NRXN2: variants seen among roughly 807,000 people sequenced by gnomAD.
The protein encoded by NRXN2 is neurexin 2, also known as neurexin-2-beta.
A neutral mutation model predicts 128.8 loss-of-function variants in NRXN2; 29 were observed. That is an observed-to-expected ratio of 0.23 (90% CI 0.17 to 0.31). The LOEUF (loss-of-function observed/expected upper bound fraction) is 0.31, where lower values mean the gene tolerates loss of function less well. NRXN2 is among the 10% of genes least tolerant of loss of function. The pLI, the probability that NRXN2 is intolerant of heterozygous loss-of-function variation, is 1.00. For missense variants in NRXN2, 1,881 were observed against 2,452.6 expected (o/e 0.77, Z 4.92); for synonymous variants, 1,098 against 1,075.2 (o/e 1.02, Z -0.41).
At chr11:64,685,168 C>T (rs1458402236) in intron 6 of NRXN2, among the ~76,000 whole-genome samples, 1 of 152,148 alleles carries the variant, frequency 6.6e-6, no homozygotes, top group African/African-American at 2.4e-5. Flanking sequence ...CTCAGGCTTG[C>T]CTTCGTGCCT....
At chr11:64,701,874 C>T (rs1282631851) in intron 2 of NRXN2, among the ~76,000 whole-genome samples, 3 of 144,268 alleles carry the variant, frequency 2.1e-5, no homozygotes, top group African/African-American at 7.9e-5. Context: ...CCCCTCTGCC[C>T]GGCCAGCCGC....
At position 64,650,674 on chromosome 11, in the gene NRXN2, C is replaced by T. The variant is rs372507665; in HGVS notation, c.2919-36G>A. On this transcript the variant is annotated intron_variant, in intron 14 of 22. Transcript: ENST00000265459. The stretch of plus-strand genomic sequence containing the variant: ...GTAGGGAGGAGACACTGGGTCAGGG[C>T]GGGGGTGATGCTGGGAAGGTGGGGT... 2.0e-4 allele frequency: 323 copies of T among 1,599,288 alleles called. No individual in the cohort carries two copies. In the Middle Eastern group the frequency reaches 2.8e-3, roughly 14 times the overall value.
Position 64,648,941 on chromosome 11 carries a change from G to A in NRXN2, c.3110-34C>T. 6.2e-7 allele frequency: 1 copy of A among 1,611,592 alleles called. No individual in the cohort carries two copies. The highest frequency in any genetic ancestry group is 2.2e-5 in the East Asian group (1 of 44,868). ...GGAGTGGGTCAACCAAGGCATCCAG[G>A]TCCCCATTCCCATCCCAAGACAATG... On this transcript the variant is annotated intron_variant, in intron 15 of 22. Transcript: ENST00000265459. This position sits in a 1 kb window ranked among gnomAD's most constrained non-coding sequence, Gnocchi z 4.1.
chr11:64,705,141 G>A (rs894502596), intron 2 of NRXN2, among the ~76,000 whole-genome samples: 5 of 152,128 alleles, frequency 3.3e-5, no homozygotes, highest in Non-Finnish European at 7.4e-5. Context: ...GTGGCCCAAG[G>A]AATTTAGGGT....
At chr11:64,611,916 T>G (rs1296947906) in intron 22 of NRXN2, among the ~76,000 whole-genome samples, 1 of 131,022 alleles carries the variant, frequency 7.6e-6, no homozygotes, top group Non-Finnish European at 1.6e-5. Flanking sequence ...CACACTGCCA[T>G]GACTCCCCCT....
intron 5 of NRXN2, among the ~76,000 whole-genome samples, chr11:64,687,247 C>T (rs924556251): frequency 2.0e-5 from 3 of 152,228 alleles, no homozygotes; most frequent in Non-Finnish European, 4.4e-5. Flanking sequence ...CCAGGAAGCA[C>T]TTGCCTTCCC....
chr11:64,668,215 T>C (rs2050152739), intron 8 of NRXN2, among the ~76,000 whole-genome samples: 2 of 152,122 alleles, frequency 1.3e-5, no homozygotes, highest in African/African-American at 4.8e-5. Context: ...ACAGCTGCCT[T>C]TGAGGGTCCT....
intron 7 of NRXN2, among the ~76,000 whole-genome samples, chr11:64,674,889 A>G (rs1430617098): frequency 1.3e-5 from 2 of 152,252 alleles, no homozygotes; most frequent in African/African-American, 4.8e-5. Flanking sequence ...GTAGTAGGCA[A>G]TGCAGGTATA....
chr11:64,663,529 A>T (rs2049353056), intron 9 of NRXN2, among the ~76,000 whole-genome samples: 1 of 152,164 alleles, frequency 6.6e-6, no homozygotes, highest in Non-Finnish European at 1.5e-5. Flanking sequence ...CTAACAGGCC[A>T]CCAAACATGG....
chr11:64,638,428 A>T (rs1017568816), intron 17 of NRXN2, among the ~76,000 whole-genome samples: 2 of 152,102 alleles, frequency 1.3e-5, no homozygotes, highest in African/African-American at 4.8e-5. Flanking sequence ...GGGGTTCGGG[A>T]GACCGCGGGG....
Position 64,651,125 on chromosome 11 carries a change from C to T in NRXN2, c.2918+130G>A, listed in dbSNP as rs1466301782. 3.9e-6 allele frequency: 5 copies of T among 1,282,376 alleles called. No individual in the cohort carries two copies. The highest frequency in any genetic ancestry group is 2.3e-5 in the East Asian group (1 of 43,150). The allele number at this position is 1,282,376 out of a possible 1,614,324, so 79.4% of individuals were successfully genotyped here. A position where few individuals can be genotyped will look rare whatever the true frequency, so the allele number is the denominator to read the frequency against. ...AAGAGGGAGCCTCTCGACTTACGGTCGGGGACCTGAATCTTGACTTGTGAT... is the reference window on the plus strand; with the variant it reads ...AAGAGGGAGCCTCTCGACTTACGGTTGGGGACCTGAATCTTGACTTGTGAT... On this transcript the variant is annotated intron_variant, in intron 14 of 22. Transcript: ENST00000265459. The surrounding 1 kb of genome is among the most constrained non-coding windows in gnomAD (Gnocchi z 5.9).
At chr11:64,702,991 AAAAG>A (rs1284159866) in intron 2 of NRXN2, among the ~76,000 whole-genome samples, 16 of 149,996 alleles carry the variant, frequency 1.1e-4, no homozygotes, top group South Asian at 4.2e-4. Flanking sequence ...AAAAAAAAAA[AAAAG>A]AAAGAAAGAA....
chr11:64,712,354 C>A (rs1405308415), intron 2 of NRXN2, among the ~76,000 whole-genome samples: 1 of 151,818 alleles, frequency 6.6e-6, no homozygotes, highest in Admixed American at 6.6e-5. Flanking sequence ...CACACGAGGT[C>A]CTGCTCCCTG....
intron 6 of NRXN2, among the ~76,000 whole-genome samples, chr11:64,682,594 A>C (rs1255976209): frequency 6.6e-6 from 1 of 152,250 alleles, no homozygotes; most frequent in Non-Finnish European, 1.5e-5. Context: ...CAATGAGAGC[A>C]GTTATCCAAG....
chr11:64,658,611 G>C (rs2048592718), intron 11 of NRXN2, among the ~76,000 whole-genome samples: 1 of 152,194 alleles, frequency 6.6e-6, no homozygotes, highest in African/African-American at 2.4e-5. Flanking sequence ...GGCCAAAAGG[G>C]GAAAAGGAAA....
chr11:64,670,495 C>T (rs1423632869), intron 7 of NRXN2, among the ~76,000 whole-genome samples: 3 of 152,058 alleles, frequency 2.0e-5, no homozygotes, highest in African/African-American at 7.2e-5. Flanking sequence ...GAATGGGCCT[C>T]CCTGGGGCAA....
chr11:64,664,347 C>T (rs954040724), intron 9 of NRXN2, among the ~76,000 whole-genome samples: 4 of 151,912 alleles, frequency 2.6e-5, no homozygotes, highest in Non-Finnish European at 5.9e-5. Flanking sequence ...GGCATGGTGG[C>T]ACATGCCTAT....
chr11:64,691,588 A>AG (rs975385787), intron 4 of NRXN2, among the ~76,000 whole-genome samples: 2 of 152,304 alleles, frequency 1.3e-5, no homozygotes, highest in South Asian at 2.1e-4. Context: ...GGAACTTTCC[A>AG]GGGGGGCTTT....
At position 64,623,089 on chromosome 11, in the gene NRXN2, T is replaced by G. The variant is rs765752407; in HGVS notation, c.3848-11A>C. 1.9e-6 allele frequency: 3 copies of G among 1,583,130 alleles called. No homozygotes were observed. Among genetic ancestry groups the G allele is most frequent in the African/African-American group, 1.4e-5 (1 of 72,470 alleles). ...TGGTCAGCTGGCGGCCTTGCAGGAG[T>G]GGAAGGGGGTGACAGAGAAGGGGCA... is the stretch of plus-strand genomic sequence containing the variant. On this transcript the variant is annotated splice_polypyrimidine_tract_variant and intron_variant, in intron 20 of 22. Coordinates refer to ENST00000265459, the MANE Select transcript of NRXN2 (RefSeq NM_015080.4). This position sits in a 1 kb window ranked among gnomAD's most constrained non-coding sequence, Gnocchi z 4.9.
Sources: allele counts gnomAD v4.1 joint callset (sites outside exome capture counted in the v4.1 genomes callset), GRCh38; gene constraint gnomAD v4.1.1; non-coding constraint Gnocchi (gnomAD v3.1); transcripts MANE v1.5; gene names NCBI Gene and HGNC (gene_info 2026-07-23, HGNC 2026-07-21).